The following ACSL5 variants were observed in gnomAD, a reference collection of about 807,000 sequenced individuals.
ACSL5 encodes acyl-CoA synthetase long chain family member 5.
Under a neutral mutation model 84.9 loss-of-function variants are expected in ACSL5, and 50 were observed. That is an observed-to-expected ratio of 0.59 (90% confidence interval 0.47 to 0.75). ACSL5 has a LOEUF of 0.75. ACSL5 is among the 30% of genes least tolerant of loss of function. The pLI, the probability that ACSL5 is intolerant of heterozygous loss-of-function variation, is 0.00. For synonymous variants in ACSL5, 280 were observed against 300.7 expected, an observed-to-expected ratio of 0.93 and a Z score of 0.71; for missense variants, 775 against 830.4, an observed-to-expected ratio of 0.93 and a Z score of 0.82.
intron 2 of ACSL5, chr10:112,396,472 T>A (rs1194623276): frequency 6.6e-6 from 1 of 152,150 alleles, no homozygotes; most frequent in Non-Finnish European, 1.5e-5. Flanking sequence ...CGATAAAAGT[T>A]TACTTACAAA....
chr10:112,415,104 A>ATGT (rs374057369), intron 12 of ACSL5, among the ~76,000 whole-genome samples: 3 of 152,148 alleles, frequency 2.0e-5, no homozygotes, highest in Non-Finnish European at 2.9e-5. Context: ...TTTTGTTCAT[A>ATGT]TGTTGTTGTT....
chr10:112,382,184 G>A (rs1445712387), intron 1 of ACSL5, among the ~76,000 whole-genome samples: 6 of 152,184 alleles, frequency 3.9e-5, no homozygotes, highest in Non-Finnish European at 5.9e-5. Context: ...CACTTAGGTC[G>A]GACTGCTTAG....
At chr10:112,399,108 T>C (rs1843816345) in intron 3 of ACSL5, 99 bp downstream of exon 3, 1 of 975,234 alleles carries the variant, frequency 1.0e-6, no homozygotes, top group Admixed American at 2.0e-5. Context: ...GCTATTTAGA[T>C]GCAGTGATCC....
intron 8 of ACSL5, 28 bp downstream of exon 8, chr10:112,410,523 C>A: frequency 6.2e-7 from 1 of 1,614,058 alleles, no homozygotes; most frequent in Non-Finnish European, 8.5e-7. Context: ...TGAATTTGAG[C>A]CTTGCCATAG....
intron 2 of ACSL5, among the ~76,000 whole-genome samples, chr10:112,397,393 C>G (rs920457750): frequency 1.3e-5 from 2 of 152,144 alleles, no homozygotes; most frequent in Non-Finnish European, 2.9e-5. Context: ...TGGTCTCGAA[C>G]TCCTGACCTC....
chr10:112,390,626 C>T (rs947407796), intron 1 of ACSL5, among the ~76,000 whole-genome samples: 1 of 151,152 alleles, frequency 6.6e-6, no homozygotes, highest in African/African-American at 2.4e-5. Flanking sequence ...TAGAAACAAC[C>T]CAGATATTCA....
At chr10:112,411,389 T>C in intron 9 of ACSL5, 67 bp from the exon 10 acceptor site, 2 of 1,371,470 alleles carry the variant, frequency 1.5e-6, no homozygotes, top group South Asian at 2.4e-5. Context: ...ATCTAGTTTC[T>C]TTCAAGGCCA....
chr10:112,428,134 G>A lies in ACSL5; in HGVS notation c.*776G>A, dbSNP rs1450037324. ...TGAGCTGGAAGCTGTGGGGGAAGGA[G>A]TTGACAGGTGGGCCCAGTGAACTTT... On this transcript the variant is annotated 3_prime_UTR_variant, in exon 21 of 21. Transcript: ENST00000354655. The A allele has an allele frequency of 6.9e-6, 2 of 289,216 alleles. No individual in the cohort carries two copies. The highest frequency in any genetic ancestry group is 1.1e-4 in the East Asian group (2 of 18,440). The allele number at this position is 289,216 out of a possible 1,614,324, so 17.9% of individuals were successfully genotyped here.
chr10:112,378,227 GTTTTTTTTTTT>G (rs144322644), intron 1 of ACSL5, among the ~76,000 whole-genome samples: 3 of 56,782 alleles, frequency 5.3e-5, no homozygotes, highest in Non-Finnish European at 8.8e-5. Flanking sequence ...TCTTCTTCTT[GTTTTTTTTTTT>G]TTTTTTTTTT....
At chr10:112,381,368 A>G (rs1849344535) in intron 1 of ACSL5, among the ~76,000 whole-genome samples, 1 of 152,110 alleles carries the variant, frequency 6.6e-6, no homozygotes, top group South Asian at 2.1e-4. Context: ...TGTTTACTTT[A>G]CTGAAAATAA....
At chr10:112,375,002 A>G (rs751111158) in intron 1 of ACSL5, among the ~76,000 whole-genome samples, 1 of 152,100 alleles carries the variant, frequency 6.6e-6, no homozygotes, top group Non-Finnish European at 1.5e-5. Flanking sequence ...ATGGGCCTTT[A>G]GAATGACTCA....
chr10:112,422,550 C>A (rs998336061), intron 17 of ACSL5, 109 bp downstream of exon 17: 1 of 1,021,888 alleles, frequency 9.8e-7, no homozygotes, highest in South Asian at 1.5e-5. Context: ...GCTGAGGCAG[C>A]TGGAGGGGAT....
At chr10:112,399,103 T>TA in intron 3 of ACSL5, 94 bp downstream of exon 3, 1 of 1,009,024 alleles carries the variant, frequency 9.9e-7, no homozygotes, top group Non-Finnish European at 1.5e-6. Flanking sequence ...CCCCAGCTAT[T>TA]TAGATGCAGT....
chr10:112,393,930 T>C (rs1234679509), intron 1 of ACSL5, among the ~76,000 whole-genome samples: 7 of 152,220 alleles, frequency 4.6e-5, no homozygotes, highest in Non-Finnish European at 8.8e-5. Context: ...AAACAAACCA[T>C]GCAAAAAGCC....
chr10:112,423,813 A>C lies in ACSL5; in HGVS notation c.1593+1372A>C, dbSNP rs879860333. On this transcript the variant is annotated intron_variant, in intron 17 of 20. Transcript: ENST00000354655. ...ACTCTGTCCTTTTTTTTTCCCCCTT[A>C]ACTTTTCTTGAGGCAGAAGTTGTGG... Among the ~76,000 whole-genome samples the C allele has an allele frequency of 2.0e-5, 3 of 151,956 alleles. No individual in the cohort carries two copies. The East Asian group carries it at 5.8e-4, about 29-fold the overall frequency.
At chr10:112,376,163 A>G in intron 1 of ACSL5, 1 of 1,157,846 alleles carries the variant, frequency 8.6e-7, no homozygotes, top group Non-Finnish European at 1.2e-6. Flanking sequence ...CCTCCTGGTC[A>G]GAACACTTCC....
intron 1 of ACSL5, among the ~76,000 whole-genome samples, chr10:112,383,538 C>A (rs1024229430): frequency 6.6e-6 from 1 of 152,200 alleles, no homozygotes; most frequent in Non-Finnish European, 1.5e-5. Flanking sequence ...GGTTTCTTAT[C>A]GGTTAGAGAA....
At chr10:112,411,602 G>C in intron 10 of ACSL5, 73 bp downstream of exon 10, 2 of 1,395,066 alleles carry the variant, frequency 1.4e-6, no homozygotes, top group Non-Finnish European at 1.0e-6. Context: ...TTTGAGGTTA[G>C]AGCAGGCAGA....
At position 112,399,024 on chromosome 10, in the gene ACSL5, C is replaced by G. The variant is rs1843814624; in HGVS notation, c.265+15C>G. The G allele has an allele frequency of 6.2e-7, 1 of 1,600,944 alleles. No individual in the cohort carries two copies. ...CGCTGTGTCTGGTAAGCCTGGTGGT[C>G]TGTCCTTGCCTGAAGAAGACAAGGT... On this transcript the variant is annotated intron_variant, in intron 3 of 20. Transcript: ENST00000354655.
Sources: gnomAD v4.1 joint callset for allele counts (sites outside exome capture counted in the v4.1 genomes callset) on GRCh38, gnomAD v4.1.1 for gene constraint, MANE v1.5 for transcripts, NCBI Gene and HGNC (gene_info 2026-07-23, HGNC 2026-07-21) for gene names.